ABCA13: variants seen among roughly 807,000 people sequenced by gnomAD.
ABCA13 encodes ATP binding cassette subfamily A member 13.
In ABCA13, 476 loss-of-function variants were observed where a neutral mutation model predicts 478.7. That is an observed-to-expected ratio of 0.99 (90% CI 0.92 to 1.07). ABCA13 has a LOEUF of 1.07. ABCA13 is among the 50% of genes least tolerant of loss of function. ABCA13 has a pLI of 0.00. For synonymous variants in ABCA13, 2,252 were observed against 2,158.9 expected, an observed-to-expected ratio of 1.04 and a Z score of -1.20; for missense variants, 6,060 against 5,910.6, an observed-to-expected ratio of 1.03 and a Z score of -0.83.
Position 48,259,304 on chromosome 7 carries a change from T to C in ABCA13, c.2006-9676T>C, listed in dbSNP as rs904153509. Among the ~76,000 whole-genome samples the C allele has an allele frequency of 4.6e-5, 7 of 152,194 alleles. No individual in the cohort carries two copies. In the East Asian group the frequency reaches 1.2e-3, roughly 25 times the overall value. ...TGCTCCTGTGTTGGATGCATATATA[T>C]GTAGGATAGCTAGGTCTTCTTGTTG... On this transcript the variant is annotated intron_variant, in intron 15 of 61. Transcript: ENST00000435803.
chr7:48,587,174 G>T lies in ABCA13; in HGVS notation c.14526G>T (p.Arg4842Ser). 6.2e-7 allele frequency: 1 copy of T among 1,613,212 alleles called. No individual in the cohort carries two copies. Among genetic ancestry groups the T allele is most frequent in the Non-Finnish European group, 8.5e-7 (1 of 1,179,626 alleles). The change falls in exon 57 of 62, where the codon AGG becomes AGT. Residue 4842 changes from arginine to serine, a missense_variant. Arg to Ser is a moderately radical substitution (Grantham distance 110). Coordinates refer to ENST00000435803, the MANE Select transcript of ABCA13 (RefSeq NM_152701.5). ...CIPEVAGDLI[R>S]RLHLEAHADK... ...TCCAGGTTGCTGGAGACCTCATCAGGCGCTTACACCTCGAAGCCCACGCGG... is the reference window on the plus strand; with the variant it reads ...TCCAGGTTGCTGGAGACCTCATCAGTCGCTTACACCTCGAAGCCCACGCGG...
intron 55 of ABCA13, among the ~76,000 whole-genome samples, chr7:48,543,184 AT>A (rs1479765952): frequency 6.6e-6 from 1 of 151,856 alleles, no homozygotes; most frequent in Non-Finnish European, 1.5e-5. Flanking sequence ...AAATACAGAT[AT>A]ATTTAAACAT....
intron 58 of ABCA13, among the ~76,000 whole-genome samples, chr7:48,596,823 T>C (rs1364099862): frequency 6.6e-6 from 1 of 151,240 alleles, no homozygotes; most frequent in East Asian, 2.0e-4. Context: ...AACAAAAAAA[T>C]TAGCATTCAA....
intron 55 of ABCA13, among the ~76,000 whole-genome samples, chr7:48,558,614 G>A (rs917979152): frequency 6.6e-6 from 1 of 151,814 alleles, no homozygotes; most frequent in African/African-American, 2.4e-5. Flanking sequence ...TGTATTTTTC[G>A]ACTCTAGAAT....
intron 59 of ABCA13, among the ~76,000 whole-genome samples, chr7:48,626,382 A>G (rs1027026155): frequency 6.6e-6 from 1 of 152,172 alleles, no homozygotes; most frequent in Non-Finnish European, 1.5e-5. Context: ...AGGTAGTGGC[A>G]CAGAGATGAA....
chr7:48,619,381 C>A (rs1202502275), intron 59 of ABCA13, among the ~76,000 whole-genome samples: 1 of 152,000 alleles, frequency 6.6e-6, no homozygotes, highest in Non-Finnish European at 1.5e-5. Context: ...CCATTGATAT[C>A]AAGTTGTTAT....
intron 53 of ABCA13, among the ~76,000 whole-genome samples, chr7:48,523,181 T>A (rs909994815): frequency 6.6e-6 from 1 of 152,168 alleles, no homozygotes; most frequent in African/African-American, 2.4e-5. Flanking sequence ...TTTCTTGCCT[T>A]TGAACGTTAT....
At chr7:48,412,013 G>C (rs1819324459) in intron 40 of ABCA13, among the ~76,000 whole-genome samples, 1 of 152,002 alleles carries the variant, frequency 6.6e-6, no homozygotes, top group Admixed American at 6.5e-5. Flanking sequence ...TTCAATGCTA[G>C]GCCCAGGATC....
chr7:48,380,863 G>A (rs534056010), intron 35 of ABCA13, among the ~76,000 whole-genome samples: 5 of 152,096 alleles, frequency 3.3e-5, no homozygotes, highest in East Asian at 1.9e-4. Context: ...CAGAGCCCAC[G>A]CCCCTACCAC....
At chr7:48,449,600 G>C (rs576144664) in intron 42 of ABCA13, among the ~76,000 whole-genome samples, 1 of 152,190 alleles carries the variant, frequency 6.6e-6, no homozygotes, top group South Asian at 2.1e-4. Flanking sequence ...TACAAAGTTA[G>C]TACCCATCTT....
At chr7:48,176,917 A>T (rs1388729948) in intron 1 of ABCA13, among the ~76,000 whole-genome samples, 1 of 152,182 alleles carries the variant, frequency 6.6e-6, no homozygotes, top group Non-Finnish European at 1.5e-5. Flanking sequence ...TTTTGTGTGT[A>T]TATGTGTGTG....
intron 37 of ABCA13, among the ~76,000 whole-genome samples, chr7:48,389,548 A>T (rs1246299855): frequency 3.3e-5 from 5 of 152,228 alleles, no homozygotes; most frequent in African/African-American, 1.2e-4. Context: ...TGGCACTTTC[A>T]GCGTTTGTCC....
intron 59 of ABCA13, among the ~76,000 whole-genome samples, chr7:48,640,729 A>G (rs1056724204): frequency 6.6e-6 from 1 of 152,210 alleles, no homozygotes; most frequent in African/African-American, 2.4e-5. Context: ...TGTATGTTAT[A>G]GATAGAAATG....
chr7:48,511,518 A>G (rs1257577057), intron 51 of ABCA13, among the ~76,000 whole-genome samples: 1 of 152,202 alleles, frequency 6.6e-6, no homozygotes, highest in African/African-American at 2.4e-5. Context: ...GCTCAAATAC[A>G]TAATCCAATT....
Position 48,565,118 on chromosome 7 carries a change from A to C in ABCA13, c.14355-15106A>C, listed in dbSNP as rs565146506. Among the ~76,000 whole-genome samples, 281 of 152,212 alleles carry C rather than the reference A, an allele frequency of 1.8e-3. 1 individual carries two copies. Among genetic ancestry groups the C allele is most frequent in the African/African-American group, 6.5e-3 (269 of 41,536 alleles). ...CATAAGCCACCATTTGTTCTTTAAA[A>C]ACATGTCTTTGATATATTAGTCTTT... On this transcript the variant is annotated intron_variant, in intron 55 of 61. Transcript: ENST00000435803.
At chr7:48,580,818 G>A (rs964349227) in intron 56 of ABCA13, among the ~76,000 whole-genome samples, 5 of 150,882 alleles carry the variant, frequency 3.3e-5, no homozygotes, top group African/African-American at 9.7e-5. Flanking sequence ...ATGAGTGGGC[G>A]GACAGATTCC....
chr7:48,401,209 T>TA (rs1158454925), intron 38 of ABCA13, among the ~76,000 whole-genome samples: 1 of 152,254 alleles, frequency 6.6e-6, no homozygotes. Context: ...ACAAAGCACT[T>TA]AGACTAGTAG....
intron 38 of ABCA13, among the ~76,000 whole-genome samples, chr7:48,395,082 G>T (rs1329132752): frequency 6.6e-6 from 1 of 152,200 alleles, no homozygotes; most frequent in African/African-American, 2.4e-5. Context: ...CCTCTCTCTT[G>T]CAGGCCTGTG....
chr7:48,429,090 G>C (rs1821800310), intron 42 of ABCA13, among the ~76,000 whole-genome samples: 1 of 152,150 alleles, frequency 6.6e-6, no homozygotes, highest in African/African-American at 2.4e-5. Context: ...CAATGTTTTT[G>C]AGGTTCATCC....
Sources: gnomAD v4.1 joint callset for allele counts (sites outside exome capture counted in the v4.1 genomes callset) on GRCh38, gnomAD v4.1.1 for gene constraint, MANE v1.5 for transcripts, NCBI Gene and HGNC (gene_info 2026-07-23, HGNC 2026-07-21) for gene names.